The following NUP93 variants were observed in gnomAD, a reference collection of about 807,000 sequenced individuals.
The protein encoded by NUP93 is nucleoporin 93.
A neutral mutation model predicts 107.8 loss-of-function variants in NUP93; 55 were observed. The ratio of observed to expected loss-of-function variants is 0.51; its 90% confidence interval spans 0.41 to 0.64. The LOEUF (loss-of-function observed/expected upper bound fraction) is 0.64, where lower values mean the gene tolerates loss of function less well. Among genes scored for constraint, NUP93 ranks in the 30% least tolerant of loss-of-function variants. The pLI, the probability that NUP93 is intolerant of heterozygous loss-of-function variation, is 0.00. For synonymous variants in NUP93, 390 were observed against 397.5 expected (o/e 0.98, Z 0.22); for missense variants, 937 against 1,044.7 (o/e 0.90, Z 1.42).
intron 1 of NUP93, among the ~76,000 whole-genome samples, chr16:56,735,587 G>T (rs763004500): frequency 2.0e-5 from 3 of 152,214 alleles, no homozygotes; most frequent in Non-Finnish European, 4.4e-5. Flanking sequence ...GCCCTCGCCT[G>T]TATTCCTAGC....
chr16:56,830,487 T>C lies in NUP93; in HGVS notation c.928-41T>C, dbSNP rs201054475. ...TTAGCACATATGAAAGCAGTCAGCC[T>C]TTCCTTGTTTATTTTGAGCACTTAA... is the stretch of plus-strand genomic sequence containing the variant. On this transcript the variant is annotated intron_variant, in intron 9 of 21. Transcript: ENST00000308159. 2,572 of 1,512,152 alleles carry C rather than the reference T, an allele frequency of 1.7e-3. 30 individuals carry two copies. The African/African-American group carries it at 0.03, about 17-fold the overall frequency. The allele number at this position is 1,512,152 out of a possible 1,614,324, so 93.7% of individuals were successfully genotyped here. A position where few individuals can be genotyped will look rare whatever the true frequency, so the allele number is the denominator to read the frequency against.
chr16:56,787,459 C>T (rs184126735), intron 3 of NUP93, among the ~76,000 whole-genome samples: 10 of 152,306 alleles, frequency 6.6e-5, no homozygotes, highest in Admixed American at 2.0e-4. Flanking sequence ...TAATCCTGAG[C>T]GCTGTAGAAA....
chr16:56,822,339 T>G (rs1963562414), intron 7 of NUP93, among the ~76,000 whole-genome samples: 1 of 151,350 alleles, frequency 6.6e-6, no homozygotes. Flanking sequence ...TGGCAAGACC[T>G]CTTCTCTACA....
At chr16:56,788,893 A>G (rs1962690902) in intron 3 of NUP93, among the ~76,000 whole-genome samples, 1 of 152,196 alleles carries the variant, frequency 6.6e-6, no homozygotes, top group Non-Finnish European at 1.5e-5. Flanking sequence ...GCATGTCCCC[A>G]TTATTGCAGA....
chr16:56,825,030 A>G (rs1304307248), intron 8 of NUP93, among the ~76,000 whole-genome samples: 1 of 151,760 alleles, frequency 6.6e-6, no homozygotes, highest in Non-Finnish European at 1.5e-5. Context: ...ATGAGTCAGA[A>G]TTTCTTATAC....
chr16:56,808,120 A>G (rs904192124), intron 5 of NUP93, among the ~76,000 whole-genome samples: 65 of 124,038 alleles, frequency 5.2e-4, no homozygotes, highest in Admixed American at 1.6e-3. Flanking sequence ...TATATATTAT[A>G]TAACTATATA....
chr16:56,848,787 T>G lies in NUP93; in HGVS notation c.*4178T>G, dbSNP rs1964144267. ...GCAGCAGATGATTTCAAAACCTCTTTGTGTGCTGGGCCGTGCTAGGTAGCT... is the reference window on the plus strand; with the variant it reads ...GCAGCAGATGATTTCAAAACCTCTTGGTGTGCTGGGCCGTGCTAGGTAGCT... On this transcript the variant is annotated 3_prime_UTR_variant, in exon 22 of 22. Transcript: ENST00000308159. 6.6e-6 allele frequency: 1 copy of G among 152,236 alleles called. No individual in the cohort carries two copies. Among genetic ancestry groups the G allele is most frequent in the Non-Finnish European group, 1.5e-5 (1 of 68,038 alleles). The allele number at this position is 152,236 out of a possible 1,614,324, so 9.4% of individuals were successfully genotyped here. A position where few individuals can be genotyped will look rare whatever the true frequency, so the allele number is the denominator to read the frequency against.
intron 19 of NUP93, 102 bp downstream of exon 19, chr16:56,839,171 A>G: frequency 1.9e-6 from 1 of 534,304 alleles, no homozygotes; most frequent in East Asian, 6.3e-5. Context: ...TGTTGCCAGT[A>G]TGTTTGTTGT....
intron 5 of NUP93, among the ~76,000 whole-genome samples, chr16:56,815,881 C>CTGCTGCTGCTGCTGCTGCTGG (rs1567402569): frequency 1.2e-4 from 12 of 103,958 alleles, no homozygotes; most frequent in South Asian, 2.7e-4. Context: ...GCTGCTGCTG[C>CTGCTGCTGCTGCTGCTGCTGG]TGCTGCTGCT....
Position 56,823,744 on chromosome 16 carries a change from C to T in NUP93, c.692C>T (p.Thr231Ile). ...ATGTGGACCATGGTAAAACAAATGA[C>T]AGACGTGTTGTTGACACCGGCAACG... ...SDMWTMVKQM[T>I]DVLLTPATDA... Residue 231 changes from threonine to isoleucine, a missense_variant, in exon 8 of 22, where the codon ACA becomes ATA. Physicochemically the swap from Thr to Ile is moderately conservative, Grantham distance 89. Coordinates refer to ENST00000308159, the MANE Select transcript of NUP93 (RefSeq NM_014669.5). 1 of 1,614,180 alleles carries T rather than the reference C, an allele frequency of 6.2e-7. No homozygotes were observed. The highest frequency in any genetic ancestry group is 1.1e-5 in the South Asian group (1 of 91,080).
At chr16:56,756,428 A>G (rs1359678368) in intron 2 of NUP93, among the ~76,000 whole-genome samples, 2 of 151,092 alleles carry the variant, frequency 1.3e-5, no homozygotes, top group Admixed American at 6.7e-5. Context: ...TTTGCTGAGA[A>G]TGATAGCTTC....
rs780882438 is a variant in NUP93, at chr16:56,844,601, A to C, written c.2452A>C (p.Met818Leu). The stretch of plus-strand genomic sequence containing the variant: ...GAGGCTGGTGCAGATGGAGGTCCTC[A>C]TGAATTAAGTGCCATGCTTTGTGGG... ...NARLVQMEVL[M>L]N The change falls in exon 22 of 22, where the codon ATG (methionine) becomes CTG (leucine). Residue 818 changes from methionine to leucine, a missense_variant. Physicochemically the swap from Met to Leu is conservative, Grantham distance 15. Transcript: ENST00000308159. 2 of 1,591,298 alleles carry C rather than the reference A, an allele frequency of 1.3e-6. No individual in the cohort carries two copies. Among genetic ancestry groups the C allele is most frequent in the South Asian group, 1.1e-5 (1 of 87,784 alleles).
At chr16:56,808,113 A>G (rs1315668483) in intron 5 of NUP93, among the ~76,000 whole-genome samples, 1 of 130,606 alleles carries the variant, frequency 7.7e-6, no homozygotes, top group African/African-American at 2.9e-5. Flanking sequence ...ATATAAATAT[A>G]TATTATATAA....
chr16:56,800,504 T>A (rs1416154767), intron 4 of NUP93, among the ~76,000 whole-genome samples: 1 of 152,188 alleles, frequency 6.6e-6, no homozygotes, highest in Non-Finnish European at 1.5e-5. Context: ...TTAGGTGACA[T>A]ACCACAGTGC....
chr16:56,793,262 C>A (rs965459942), intron 3 of NUP93, among the ~76,000 whole-genome samples: 9 of 152,112 alleles, frequency 5.9e-5, no homozygotes, highest in African/African-American at 2.2e-4. Flanking sequence ...GTTTACCTAG[C>A]TGGCCTGCAG....
intron 5 of NUP93, among the ~76,000 whole-genome samples, chr16:56,816,492 C>T (rs1193339850): frequency 3.9e-5 from 6 of 152,184 alleles, no homozygotes; most frequent in Non-Finnish European, 4.4e-5. Flanking sequence ...TCTAGCACAT[C>T]CATCTACTTT....
chr16:56,849,500 G>A lies in NUP93; in HGVS notation c.*4891G>A, dbSNP rs542354682. 6.6e-6 allele frequency: 1 copy of A among 152,322 alleles called. No homozygotes were observed. The highest frequency in any genetic ancestry group is 2.1e-4 in the South Asian group (1 of 4,828). 9.4% of individuals were successfully genotyped at this position (152,322 alleles called of 1,614,324 possible). A position where few individuals can be genotyped will look rare whatever the true frequency, so the allele number is the denominator to read the frequency against. ...TTTGAACAGGAAGTGGGGAGTCAGT[G>A]ATCCCAGAGGGGACTTCAGCATCAG... On this transcript the variant is annotated 3_prime_UTR_variant, in exon 22 of 22. Coordinates refer to ENST00000308159, the MANE Select transcript of NUP93 (RefSeq NM_014669.5).
Position 56,843,240 on chromosome 16 carries a change from A to G in NUP93, c.2350-1259A>G, listed in dbSNP as rs1596869024. On this transcript the variant is annotated intron_variant, in intron 21 of 21. Transcript: ENST00000308159. ...TTCATGGTGCCCACCATTTGGCAGG[A>G]ATCTTTTTTGATGATAGAAACCCAG... 2.0e-5 allele frequency among the ~76,000 whole-genome samples: 3 copies of G among 152,288 alleles called. No homozygotes were observed. The East Asian group carries it at 5.8e-4, about 29-fold the overall frequency.
Position 56,805,497 on chromosome 16 carries a change from C to G in NUP93, c.361-7C>G. 3.1e-6 allele frequency: 5 copies of G among 1,613,432 alleles called. No homozygotes were observed. Among genetic ancestry groups the G allele is most frequent in the Non-Finnish European group, 8.5e-7 (1 of 1,179,620 alleles). ...GAGGGTCATTGTTCTCTGTTCCTTT[C>G]TGGCAGACCTTCGGCATGGCTGAGG... On this transcript the variant is annotated splice_polypyrimidine_tract_variant and splice_region_variant and intron_variant, in intron 4 of 21. Transcript: ENST00000308159.
Sources: allele counts gnomAD v4.1 joint callset (sites outside exome capture counted in the v4.1 genomes callset), GRCh38; gene constraint gnomAD v4.1.1; transcripts MANE v1.5; gene names NCBI Gene and HGNC (gene_info 2026-07-23, HGNC 2026-07-21).